Variants in CPA6 observed in about 807,000 individuals in gnomAD.
The protein encoded by CPA6 is carboxypeptidase A6.
Under a neutral mutation model 63.3 loss-of-function variants are expected in CPA6, and 58 were observed. The observed-to-expected ratio is 0.92, with a 90% CI of 0.74 to 1.14. The LOEUF is 1.14. Ranked by LOEUF, CPA6 falls within the 50% of genes most tolerant of loss-of-function variation. CPA6 has a pLI of 0.00. For synonymous variants in CPA6, 185 were observed against 179.0 expected, an observed-to-expected ratio of 1.03 and a Z score of -0.27; for missense variants, 565 against 526.6, an observed-to-expected ratio of 1.07 and a Z score of -0.71.
At chr8:67,674,035 G>A (rs757852214) in intron 1 of CPA6, among the ~76,000 whole-genome samples, 1 of 152,254 alleles carries the variant, frequency 6.6e-6, no homozygotes, top group Non-Finnish European at 1.5e-5. Flanking sequence ...TATATGTACC[G>A]TGTTACCATC....
At chr8:67,540,592 C>T (rs1429138444) in intron 2 of CPA6, among the ~76,000 whole-genome samples, 1 of 152,192 alleles carries the variant, frequency 6.6e-6, no homozygotes, top group Non-Finnish European at 1.5e-5. Context: ...TAAGTCTCCT[C>T]AAGCTGTGCC....
intron 2 of CPA6, among the ~76,000 whole-genome samples, chr8:67,562,405 C>T (rs998973788): frequency 2.0e-5 from 3 of 152,134 alleles, no homozygotes; most frequent in Admixed American, 6.6e-5. Context: ...ATGTCTGACA[C>T]AAGCACACAG....
At chr8:67,504,901 G>A (rs1278421330) in intron 6 of CPA6, among the ~76,000 whole-genome samples, 1 of 152,128 alleles carries the variant, frequency 6.6e-6, no homozygotes, top group Non-Finnish European at 1.5e-5. Context: ...GGAGGGAGGA[G>A]GATGGAGAGG....
At chr8:67,622,342 C>T (rs1185600195) in intron 2 of CPA6, among the ~76,000 whole-genome samples, 2 of 152,200 alleles carry the variant, frequency 1.3e-5, no homozygotes, top group African/African-American at 2.4e-5. Context: ...TGTTCAGCTA[C>T]AATTGCTGAA....
intron 8 of CPA6, among the ~76,000 whole-genome samples, chr8:67,439,669 G>A (rs975419368): frequency 1.1e-4 from 17 of 151,896 alleles, no homozygotes; most frequent in African/African-American, 3.1e-4. Context: ...GAATTAAGAC[G>A]GCAGAAATAA....
chr8:67,479,498 T>C (rs778909717), intron 8 of CPA6, among the ~76,000 whole-genome samples: 2 of 151,800 alleles, frequency 1.3e-5, no homozygotes, highest in Non-Finnish European at 2.9e-5. Flanking sequence ...CTTTTGTCAG[T>C]TGATTTTCAG....
chr8:67,529,382 G>T (rs533315266), intron 2 of CPA6, among the ~76,000 whole-genome samples: 2 of 152,176 alleles, frequency 1.3e-5, no homozygotes, highest in African/African-American at 4.8e-5. Context: ...TCAAAGAAAA[G>T]CAAGTTGATT....
chr8:67,496,539 A>G (rs1051709551), intron 6 of CPA6, among the ~76,000 whole-genome samples: 7 of 138,732 alleles, frequency 5.0e-5, no homozygotes, highest in African/African-American at 1.9e-4. Context: ...ATATATATAT[A>G]TATATATATA....
At chr8:67,572,722 A>G (rs1338613314) in intron 2 of CPA6, among the ~76,000 whole-genome samples, 1 of 152,208 alleles carries the variant, frequency 6.6e-6, no homozygotes, top group Non-Finnish European at 1.5e-5. Context: ...AAAAACTAAT[A>G]CTAATTCTCT....
intron 1 of CPA6, among the ~76,000 whole-genome samples, chr8:67,629,039 T>A (rs1354490460): frequency 6.6e-6 from 1 of 152,086 alleles, no homozygotes; most frequent in African/African-American, 2.4e-5. Flanking sequence ...CGCTTGAACC[T>A]GGCAGGCAGA....
At chr8:67,638,509 G>A (rs1167355477) in intron 1 of CPA6, among the ~76,000 whole-genome samples, 1 of 151,672 alleles carries the variant, frequency 6.6e-6, no homozygotes, top group East Asian at 1.9e-4. Context: ...TCACTGTGAT[G>A]TGCTGCTCAA....
chr8:67,584,224 C>T (rs1272702667), intron 2 of CPA6, among the ~76,000 whole-genome samples: 1 of 151,990 alleles, frequency 6.6e-6, no homozygotes, highest in Non-Finnish European at 1.5e-5. Flanking sequence ...TTTGCAGTTT[C>T]AATGATGAAG....
chr8:67,511,293 A>G (rs1048661119), intron 4 of CPA6, among the ~76,000 whole-genome samples: 2 of 152,210 alleles, frequency 1.3e-5, no homozygotes, highest in Admixed American at 6.5e-5. Flanking sequence ...CCTATGTCCT[A>G]TGTAAAAGTG....
rs532172935 is a variant in CPA6, at chr8:67,600,088, G to T, written c.192+24088C>A. On this transcript the variant is annotated intron_variant, in intron 2 of 10. Transcript: ENST00000297770. ...TTTCTTTTTTTTTTTAATTTTCAAG[G>T]TGTATGTTTCCTTTTTTTAAAATTT... Among the ~76,000 whole-genome samples, 224 of 151,536 alleles carry T rather than the reference G, an allele frequency of 1.5e-3. 1 individual carries two copies. The highest frequency in any genetic ancestry group is 2.8e-3 in the Non-Finnish European group (188 of 67,894).
chr8:67,522,704 T>G (rs548112584), intron 2 of CPA6, among the ~76,000 whole-genome samples: 1 of 152,336 alleles, frequency 6.6e-6, no homozygotes, highest in African/African-American at 2.4e-5. Flanking sequence ...GGCTTCACTG[T>G]TGCTGGCATC....
intron 1 of CPA6, among the ~76,000 whole-genome samples, chr8:67,710,399 C>A (rs1034535582): frequency 7.8e-6 from 1 of 128,476 alleles, no homozygotes; most frequent in African/African-American, 3.4e-5. Flanking sequence ...AATTTCCCGC[C>A]CCCACCCCCC....
chr8:67,643,840 A>C (rs1014094989), intron 1 of CPA6, among the ~76,000 whole-genome samples: 1 of 152,142 alleles, frequency 6.6e-6, no homozygotes, highest in Non-Finnish European at 1.5e-5. Flanking sequence ...CCATCCCATA[A>C]ATTTGAATTC....
rs999837821 is a variant in CPA6 at position 67,710,421 on chromosome 8, A to G, written c.116+35593T>C. Among the ~76,000 whole-genome samples the G allele has an allele frequency of 3.3e-3, 47 of 14,418 alleles. 1 individual carries two copies. In the South Asian group the frequency reaches 0.055, roughly 17 times the overall value. The allele number at this position is 14,418 out of a possible 152,430, so 9.5% of individuals were successfully genotyped here. A position where few individuals can be genotyped will look rare whatever the true frequency, so the allele number is the denominator to read the frequency against. Reference sequence around the variant, plus strand: ...CGCCCCCACCCCCCCCCAACCCCCCACCCCGAAAGATGGCTTTGCAGGGCC... The same window carrying G: ...CGCCCCCACCCCCCCCCAACCCCCCGCCCCGAAAGATGGCTTTGCAGGGCC... On this transcript the variant is annotated intron_variant, in intron 1 of 10. Coordinates refer to ENST00000297770, the MANE Select transcript of CPA6 (RefSeq NM_020361.5).
intron 2 of CPA6, among the ~76,000 whole-genome samples, chr8:67,538,106 T>C (rs542683298): frequency 1.3e-5 from 2 of 152,324 alleles, no homozygotes; most frequent in Admixed American, 1.3e-4. Flanking sequence ...TACTTCCAAT[T>C]ATGTGGTCAA....
Sources: allele counts gnomAD v4.1 joint callset (sites outside exome capture counted in the v4.1 genomes callset), GRCh38; gene constraint gnomAD v4.1.1; transcripts MANE v1.5; gene names NCBI Gene and HGNC (gene_info 2026-07-23, HGNC 2026-07-21).